The following C19orf47 variants were observed in gnomAD, a reference collection of about 807,000 sequenced individuals.
C19orf47 encodes chromosome 19 open reading frame 47, also known as uncharacterized protein C19orf47.
Under a neutral mutation model 32.3 loss-of-function variants are expected in C19orf47, and 18 were observed. That is an observed-to-expected ratio of 0.56 (90% confidence interval 0.39 to 0.83). C19orf47 has a LOEUF of 0.83. Among genes scored for constraint, C19orf47 ranks in the 40% least tolerant of loss-of-function variants. C19orf47 has a pLI of 0.00. For missense variants in C19orf47, 484 were observed against 531.6 expected, an observed-to-expected ratio of 0.91 and a Z score of 0.88; for synonymous variants, 202 against 211.1, an observed-to-expected ratio of 0.96 and a Z score of 0.37.
chr19:40,303,911 A>T, the C19orf47 span, among the ~76,000 whole-genome samples: 2 of 152,078 alleles, frequency 1.3e-5, no homozygotes, highest in African/African-American at 2.4e-5. Flanking sequence ...TCCAACTGAA[A>T]ATGCTTTGAT....
chr19:40,303,415 T>C, the C19orf47 span, among the ~76,000 whole-genome samples: 345 of 141,822 alleles, frequency 2.4e-3, no homozygotes, highest in African/African-American at 8.2e-3. Flanking sequence ...CCCAGCTACT[T>C]GGGAGGCTGA....
the C19orf47 span, among the ~76,000 whole-genome samples, chr19:40,307,089 C>CTTTT: frequency 1.5e-5 from 1 of 64,842 alleles, no homozygotes; most frequent in Admixed American, 2.2e-4. Flanking sequence ...GCGCCCGGCC[C>CTTTT]TTTTTTTTTT....
At chr19:40,318,504 A>C (rs2077678498), downstream of C19orf47, among the ~76,000 whole-genome samples, 1 of 152,230 alleles carries the variant, frequency 6.6e-6, no homozygotes, top group Non-Finnish European at 1.5e-5. Context: ...TAAATTTAGC[A>C]ACTGGAACTC....
At chr19:40,339,053 T>G (rs150340083) in intron 2 of C19orf47, 2 of 152,560 alleles carry the variant, frequency 1.3e-5, no homozygotes, top group East Asian at 3.8e-4. Flanking sequence ...AATTGACTGA[T>G]TGACTTTAAG....
At chr19:40,324,975 A>G (rs1250695111) in intron 7 of C19orf47, among the ~76,000 whole-genome samples, 1 of 151,698 alleles carries the variant, frequency 6.6e-6, no homozygotes, top group East Asian at 1.9e-4. Context: ...AAAAAAAAGA[A>G]AAGAAAAGTT....
the C19orf47 span, among the ~76,000 whole-genome samples, chr19:40,311,969 T>C: frequency 6.6e-6 from 1 of 152,210 alleles, no homozygotes; most frequent in African/African-American, 2.4e-5. Context: ...ATTTGCTTTT[T>C]TCACTCAGTG....
At chr19:40,317,728 G>GTTTTTTTTTTTTT (rs760108426), downstream of C19orf47, among the ~76,000 whole-genome samples, 31 of 143,090 alleles carry the variant, frequency 2.2e-4, no homozygotes, top group African/African-American at 7.4e-4. Context: ...TTTTTTTTTT[G>GTTTTTTTTTTTTT]TTTTTTTTTT....
intron 8 of C19orf47, among the ~76,000 whole-genome samples, chr19:40,322,696 GC>G (rs2077746200): frequency 6.6e-6 from 1 of 152,222 alleles, no homozygotes; most frequent in East Asian, 1.9e-4. Flanking sequence ...CAATAGGTGG[GC>G]ATGAGTGGAG....
chr19:40,303,509 G>C, the C19orf47 span, among the ~76,000 whole-genome samples: 1 of 136,968 alleles, frequency 7.3e-6, no homozygotes, highest in Non-Finnish European at 1.5e-5. Flanking sequence ...GCAACAGAGC[G>C]AGACTCTCAA....
At chr19:40,333,278 T>TAAATAAAC (rs1313704917) in intron 5 of C19orf47, among the ~76,000 whole-genome samples, 299 of 145,542 alleles carry the variant, frequency 2.1e-3, no homozygotes, top group African/African-American at 7.5e-3. Flanking sequence ...AATAAGAAAA[T>TAAATAAAC]AAATAAATAA....
chr19:40,317,929 G>T (rs2077674083), downstream of C19orf47, among the ~76,000 whole-genome samples: 1 of 152,092 alleles, frequency 6.6e-6, no homozygotes, highest in Non-Finnish European at 1.5e-5. Context: ...ATGTTGGCCA[G>T]GCTGGTCCTG....
chr19:40,306,312 G>A, the C19orf47 span, among the ~76,000 whole-genome samples: 2 of 152,054 alleles, frequency 1.3e-5, no homozygotes, highest in East Asian at 1.9e-4. Context: ...CTTATGGAGG[G>A]GAGAAGAGGG....
the C19orf47 span, among the ~76,000 whole-genome samples, chr19:40,295,026 T>C: frequency 6.6e-6 from 1 of 152,162 alleles, no homozygotes; most frequent in East Asian, 1.9e-4. Context: ...CTTTGCTTTC[T>C]TTTTTTCTTT....
chr19:40,293,127 C>T, the C19orf47 span, among the ~76,000 whole-genome samples: 1 of 151,746 alleles, frequency 6.6e-6, no homozygotes. Flanking sequence ...GGGACTCTCA[C>T]GTCTAAGTAT....
At chr19:40,335,772 G>A (rs2078051872) in intron 4 of C19orf47, among the ~76,000 whole-genome samples, 2 of 152,206 alleles carry the variant, frequency 1.3e-5, no homozygotes, top group South Asian at 4.1e-4. Flanking sequence ...ACCACGCTCG[G>A]CTAATTTTTT....
chr19:40,308,420 G>T, the C19orf47 span, among the ~76,000 whole-genome samples: 32 of 151,700 alleles, frequency 2.1e-4, no homozygotes, highest in Admixed American at 2.0e-3. Context: ...CTCCCAAAGC[G>T]CTGGGATTAC....
the C19orf47 span, among the ~76,000 whole-genome samples, chr19:40,312,552 AAAAAG>A: frequency 2.7e-4 from 41 of 152,170 alleles, no homozygotes; most frequent in South Asian, 8.1e-3. Flanking sequence ...CTCAAAAAAA[AAAAAG>A]AAAAGGCCAT....
intron 1 of C19orf47, among the ~76,000 whole-genome samples, chr19:40,342,717 A>C (rs1293627312): frequency 1.3e-5 from 2 of 152,200 alleles, no homozygotes; most frequent in Admixed American, 6.5e-5. Context: ...TTAGAGACCT[A>C]AAGGGAGGGA....
chr19:40,302,185 ACAAT>A, the C19orf47 span, among the ~76,000 whole-genome samples: 2 of 152,214 alleles, frequency 1.3e-5, no homozygotes, highest in Admixed American at 1.3e-4. Context: ...AAGAATCTTT[ACAAT>A]CAATCATTAT....
Sources: allele counts gnomAD v4.1 joint callset (sites outside exome capture counted in the v4.1 genomes callset), GRCh38; gene constraint gnomAD v4.1.1; transcripts MANE v1.5; gene names NCBI Gene and HGNC (gene_info 2026-07-23, HGNC 2026-07-21).